Variants in ADAM12 observed in about 807,000 individuals in gnomAD.
ADAM12 encodes the protein disintegrin and metalloproteinase domain-containing protein 12.
Under a neutral mutation model 106.4 loss-of-function variants are expected in ADAM12, and 70 were observed. The ratio of observed to expected loss-of-function variants is 0.66; its 90% CI spans 0.54 to 0.80. The LOEUF (loss-of-function observed/expected upper bound fraction) is 0.80. ADAM12 is among the 30% of genes least tolerant of loss of function. The pLI is 0.00. For missense variants in ADAM12, 1,010 were observed against 1,171.9 expected, an observed-to-expected ratio of 0.86 and a Z score of 2.02; for synonymous variants, 420 against 433.5, an observed-to-expected ratio of 0.97 and a Z score of 0.39.
At chr10:126,386,134 T>C (rs909395951) in intron 1 of ADAM12, among the ~76,000 whole-genome samples, 2 of 152,014 alleles carry the variant, frequency 1.3e-5, no homozygotes, top group Admixed American at 6.6e-5. Flanking sequence ...ACAAGGCATG[T>C]GGAGAAGGCA....
chr10:126,332,939 T>C (rs1358675264), intron 1 of ADAM12, among the ~76,000 whole-genome samples: 1 of 152,138 alleles, frequency 6.6e-6, no homozygotes, highest in African/African-American at 2.4e-5. Context: ...AGAGTGCAAT[T>C]AACTGAACTT....
chr10:126,355,025 AT>A (rs1233340058), intron 1 of ADAM12, among the ~76,000 whole-genome samples: 1 of 152,206 alleles, frequency 6.6e-6, no homozygotes, highest in Non-Finnish European at 1.5e-5. Flanking sequence ...CAGGAAAAAA[AT>A]GTTGAAAGGT....
At chr10:126,336,832 G>A (rs1465048279) in intron 1 of ADAM12, among the ~76,000 whole-genome samples, 1 of 152,188 alleles carries the variant, frequency 6.6e-6, no homozygotes, top group Non-Finnish European at 1.5e-5. Flanking sequence ...GTAGGCAGGT[G>A]TAAGAGAAGC....
chr10:126,152,306 A>G (rs1338304862), intron 4 of ADAM12, among the ~76,000 whole-genome samples: 1 of 152,036 alleles, frequency 6.6e-6, no homozygotes, highest in Non-Finnish European at 1.5e-5. Flanking sequence ...GATTTTCAGA[A>G]ATCCTTTAAT....
Position 126,082,363 on chromosome 10 carries a change from G to GTTTTTTTTTTTTTTT in ADAM12, c.1146-10724_1146-10710dup, listed in dbSNP as rs5788763. On this transcript the variant is annotated intron_variant, in intron 11 of 22. Transcript: ENST00000448723. ...CTCTGGAGAAGACAATCTAATGACT[G>GTTTTTTTTTTTTTTT]TTTTTTTTTTTTTTTTTTTTTTTTA... Among the ~76,000 whole-genome samples the GTTTTTTTTTTTTTTT allele has an allele frequency of 2.0e-4, 16 of 80,778 alleles. 2 individuals carry two copies. Among genetic ancestry groups the GTTTTTTTTTTTTTTT allele is most frequent in the African/African-American group, 8.5e-4 (16 of 18,714 alleles). The allele number at this position is 80,778 out of a possible 152,430, so 53.0% of individuals were successfully genotyped here. A position where few individuals can be genotyped will look rare whatever the true frequency, so the allele number is the denominator to read the frequency against.
intron 3 of ADAM12, among the ~76,000 whole-genome samples, chr10:126,214,512 T>C (rs932980012): frequency 1.3e-5 from 2 of 152,218 alleles, no homozygotes; most frequent in Non-Finnish European, 2.9e-5. Context: ...ATGCATGGGC[T>C]GTCTCTGGAA....
intron 2 of ADAM12, among the ~76,000 whole-genome samples, chr10:126,279,898 T>C (rs1052273672): frequency 2.0e-5 from 3 of 152,204 alleles, no homozygotes; most frequent in African/African-American, 7.2e-5. Flanking sequence ...ACTCAATTAG[T>C]GCTTCCTTCA....
intron 3 of ADAM12, among the ~76,000 whole-genome samples, chr10:126,263,054 G>C (rs1332808012): frequency 6.6e-6 from 1 of 152,192 alleles, no homozygotes; most frequent in Non-Finnish European, 1.5e-5. Context: ...ACTCGCTCAG[G>C]GTTTCCTGGT....
chr10:126,295,236 T>C (rs1344964045), intron 2 of ADAM12, among the ~76,000 whole-genome samples: 1 of 152,138 alleles, frequency 6.6e-6, no homozygotes, highest in East Asian at 1.9e-4. Flanking sequence ...AGCTGTGTGA[T>C]GCTTTGGTCA....
rs185734735 is a variant in ADAM12 at position 126,077,976 on chromosome 10, A to T, written c.1146-6322T>A. The stretch of plus-strand genomic sequence containing the variant: ...CCCAATACAAAAAATTTAATAAATG[A>T]AAATTACTTCAAATCTTAAGAGATA... On this transcript the variant is annotated intron_variant, in intron 11 of 22. Transcript: ENST00000448723. Among the ~76,000 whole-genome samples the T allele has an allele frequency of 2.8e-4, 43 of 152,350 alleles. No homozygotes were observed. The East Asian group carries it at 7.9e-3, about 28-fold the overall frequency.
At chr10:126,387,892 G>C (rs532052547) in intron 1 of ADAM12, among the ~76,000 whole-genome samples, 166 bp downstream of exon 1, 17 of 129,678 alleles carry the variant, frequency 1.3e-4, no homozygotes, top group Middle Eastern at 4.3e-3. Flanking sequence ...TGGCACCTGG[G>C]GGGGGGGGGT....
At chr10:126,068,885 A>T (rs773195433) in intron 12 of ADAM12, among the ~76,000 whole-genome samples, 7 of 152,230 alleles carry the variant, frequency 4.6e-5, no homozygotes, top group Non-Finnish European at 1.0e-4. Flanking sequence ...ACAGATTCTT[A>T]ATCACAATGA....
chr10:126,251,861 C>CGATGGATGGGATGAATGGATT (rs1958775516), intron 3 of ADAM12, among the ~76,000 whole-genome samples: 1 of 2,732 alleles, frequency 3.7e-4, no homozygotes, highest in African/African-American at 1.5e-3. Context: ...ATGGATAGGA[C>CGATGGATGGGATGAATGGATT]AGATGGATGG....
chr10:126,366,594 A>G (rs192220157), intron 1 of ADAM12, among the ~76,000 whole-genome samples: 4 of 152,298 alleles, frequency 2.6e-5, no homozygotes, highest in Admixed American at 2.0e-4. Context: ...ATTAAGTGTA[A>G]TTGGAATAAA....
At chr10:126,071,205 T>G (rs1277379261) in intron 12 of ADAM12, among the ~76,000 whole-genome samples, 1 of 152,224 alleles carries the variant, frequency 6.6e-6, no homozygotes, top group African/African-American at 2.4e-5. Flanking sequence ...ACACTTTTTT[T>G]TATTGTTTTT....
chr10:126,221,018 G>A (rs538739833), intron 3 of ADAM12, among the ~76,000 whole-genome samples: 25 of 152,356 alleles, frequency 1.6e-4, no homozygotes, highest in African/African-American at 5.8e-4. Context: ...CACTTGATGG[G>A]CAGTTCTCAG....
intron 19 of ADAM12, among the ~76,000 whole-genome samples, chr10:126,038,844 A>AC (rs138769896): frequency 1.7e-3 from 252 of 151,360 alleles, no homozygotes; most frequent in African/African-American, 6.0e-3. Context: ...AAAACAAGAA[A>AC]CCCCCCAAAA....
intron 3 of ADAM12, among the ~76,000 whole-genome samples, chr10:126,251,931 T>TGGATGGATGGGATGGATAGGAG (rs1173706215): frequency 1.8e-5 from 1 of 55,004 alleles, no homozygotes; most frequent in African/African-American, 6.8e-5. Context: ...ATGGATAGGA[T>TGGATGGATGGGATGGATAGGAG]GGATGGATGG....
chr10:126,238,967 T>A (rs994621944), intron 3 of ADAM12, among the ~76,000 whole-genome samples: 1 of 152,166 alleles, frequency 6.6e-6, no homozygotes, highest in Non-Finnish European at 1.5e-5. Context: ...GAGAAAGAGA[T>A]AAAAGAGAGA....
Sources: gnomAD v4.1 joint callset for allele counts (sites outside exome capture counted in the v4.1 genomes callset) on GRCh38, gnomAD v4.1.1 for gene constraint, MANE v1.5 for transcripts, NCBI Gene and HGNC (gene_info 2026-07-23, HGNC 2026-07-21) for gene names.